Variants in CSMD3 observed in about 807,000 individuals in gnomAD.
The protein encoded by CSMD3 is CUB and Sushi multiple domains 3.
In CSMD3, 177 loss-of-function variants were observed where a neutral mutation model predicts 435.2. The observed-to-expected ratio is 0.41, with a 90% confidence interval of 0.36 to 0.46. The LOEUF (loss-of-function observed/expected upper bound fraction) is 0.46. Ranked by LOEUF, CSMD3 falls within the 20% of genes least tolerant of loss-of-function variation. CSMD3 has a pLI of 0.34. For missense variants in CSMD3, 4,265 were observed against 4,504.6 expected, an observed-to-expected ratio of 0.95 and a Z score of 1.52; for synonymous variants, 1,656 against 1,520.5, an observed-to-expected ratio of 1.09 and a Z score of -2.07.
intron 1 of CSMD3, among the ~76,000 whole-genome samples, chr8:113,366,804 A>G (rs559470895): frequency 6.6e-6 from 1 of 152,194 alleles, no homozygotes; most frequent in East Asian, 1.9e-4. Context: ...CTTAATATCA[A>G]CTGTATCTTG....
chr8:113,038,482 C>G (rs1025717071), intron 5 of CSMD3, among the ~76,000 whole-genome samples: 2 of 151,998 alleles, frequency 1.3e-5, no homozygotes, highest in Non-Finnish European at 2.9e-5. Flanking sequence ...TAGAATTTAG[C>G]AAGATTACAG....
rs544391916 is a variant in CSMD3 at position 112,696,105 on chromosome 8, C to T, written c.1973-6055G>A. On this transcript the variant is annotated intron_variant, in intron 13 of 70. Coordinates refer to ENST00000297405, the MANE Select transcript of CSMD3 (RefSeq NM_198123.2). ...GACACAAATGGAAGAACATTCCATG[C>T]TCATGGATATGAAGAATCAGTATCG... Among the ~76,000 whole-genome samples the T allele has an allele frequency of 1.3e-3, 197 of 152,282 alleles. 1 individual carries two copies. The highest frequency in any genetic ancestry group is 1.8e-4 in the Non-Finnish European group (12 of 68,020).
At chr8:112,437,572 T>C (rs1814506901) in intron 32 of CSMD3, among the ~76,000 whole-genome samples, 1 of 152,024 alleles carries the variant, frequency 6.6e-6, no homozygotes, top group African/African-American at 2.4e-5. Flanking sequence ...GCCATATATA[T>C]ATGTGTGTGT....
At chr8:113,142,310 T>C (rs569988252) in intron 4 of CSMD3, among the ~76,000 whole-genome samples, 1 of 151,368 alleles carries the variant, frequency 6.6e-6, no homozygotes, top group East Asian at 1.9e-4. Context: ...CTACAATAGC[T>C]AAAATTATTT....
intron 38 of CSMD3, among the ~76,000 whole-genome samples, chr8:112,374,873 G>C (rs1286138516): frequency 6.6e-6 from 1 of 152,132 alleles, no homozygotes; most frequent in Admixed American, 6.5e-5. Flanking sequence ...CTTAGGTGAA[G>C]AATCTAGATA....
intron 13 of CSMD3, among the ~76,000 whole-genome samples, chr8:112,747,750 C>A (rs1319475014): frequency 6.6e-6 from 1 of 151,724 alleles, no homozygotes; most frequent in Non-Finnish European, 1.5e-5. Flanking sequence ...CCGAGGCAGG[C>A]GGATCACGAG....
At chr8:113,089,241 T>C (rs1029064051) in intron 5 of CSMD3, among the ~76,000 whole-genome samples, 1 of 152,182 alleles carries the variant, frequency 6.6e-6, no homozygotes, top group African/African-American at 2.4e-5. Flanking sequence ...TTTGTATTAT[T>C]TGCAGATAAT....
At chr8:113,420,608 A>G (rs2094604607) in intron 1 of CSMD3, among the ~76,000 whole-genome samples, 1 of 152,126 alleles carries the variant, frequency 6.6e-6, no homozygotes, top group Non-Finnish European at 1.5e-5. Flanking sequence ...TAAAACAAAA[A>G]TAAAATACGT....
intron 32 of CSMD3, among the ~76,000 whole-genome samples, chr8:112,415,545 G>A (rs1250232589): frequency 2.6e-5 from 4 of 152,148 alleles, no homozygotes; most frequent in Non-Finnish European, 5.9e-5. Flanking sequence ...GTACCCACTG[G>A]GGCACTGCCT....
At chr8:112,298,047 A>G (rs1820498484) in intron 53 of CSMD3, among the ~76,000 whole-genome samples, 1 of 149,308 alleles carries the variant, frequency 6.7e-6, no homozygotes. Flanking sequence ...TGCTAAAAAT[A>G]CAAAATGTTG....
chr8:112,346,160 A>C lies in CSMD3; in HGVS notation c.6379T>G (p.Phe2127Val), dbSNP rs1267231899. Residue 2127 changes from phenylalanine to valine, a missense_variant, in exon 41 of 71, where the codon TTT becomes GTT. By Grantham distance (50) the Phe-to-Val change is conservative (BLOSUM62 -1). Transcript: ENST00000297405. ...AAACTGCTGGGATAGTTTCCAGGAA[A>C]CCCAGGACTGAGGATCACACCACTG... is the stretch of plus-strand genomic sequence containing the variant. ...DFSGVILSPGFPGNYPSSLDC... is the reference protein window; with the variant it reads ...DFSGVILSPGVPGNYPSSLDC... The C allele has an allele frequency of 6.2e-7, 1 of 1,613,848 alleles. No individual in the cohort carries two copies. Among genetic ancestry groups the C allele is most frequent in the Non-Finnish European group, 8.5e-7 (1 of 1,179,744 alleles).
chr8:112,507,776 T>C (rs1822685626), intron 28 of CSMD3, among the ~76,000 whole-genome samples: 1 of 152,190 alleles, frequency 6.6e-6, no homozygotes, highest in African/African-American at 2.4e-5. Flanking sequence ...ATATCATCAC[T>C]ACGGTTTGGT....
In CSMD3 at chr8:112,287,170, T is replaced by C. The variant is rs745572635; in HGVS notation, c.9225A>G (p.Lys3075=). The change falls in exon 58 of 71, where the codon AAA becomes AAG. Residue 3075 remains lysine (K), a synonymous_variant. Coordinates refer to ENST00000297405, the MANE Select transcript of CSMD3 (RefSeq NM_198123.2). ...TATCACAAGCATAACGTACAGTACT[T>C]TTAGTTCTGAAATTGCTTTCCTGTC... ...GSRQESNFRT[K]STVRYACDTG... is the part of the protein sequence containing the mutation. The C allele has an allele frequency of 6.2e-7, 1 of 1,613,724 alleles. No individual in the cohort carries two copies.
intron 10 of CSMD3, among the ~76,000 whole-genome samples, chr8:112,920,844 A>G (rs747749505): frequency 1.3e-5 from 2 of 151,380 alleles, no homozygotes; most frequent in Non-Finnish European, 2.9e-5. Flanking sequence ...GCCTTTCATA[A>G]TATTTTCTTC....
intron 16 of CSMD3, among the ~76,000 whole-genome samples, chr8:112,671,631 T>G (rs560864368): frequency 6.6e-6 from 1 of 152,264 alleles, no homozygotes; most frequent in African/African-American, 2.4e-5. Context: ...GATCCTCAAC[T>G]TATGATGGAG....
intron 67 of CSMD3, among the ~76,000 whole-genome samples, chr8:112,236,617 A>T (rs1313210983): frequency 6.6e-6 from 1 of 152,138 alleles, no homozygotes; most frequent in Non-Finnish European, 1.5e-5. Flanking sequence ...TTGCTTGAGG[A>T]GGTGACTTGT....
intron 13 of CSMD3, among the ~76,000 whole-genome samples, chr8:112,690,265 G>A (rs1387246362): frequency 6.6e-6 from 1 of 151,100 alleles, no homozygotes. Context: ...TATATATGAA[G>A]AATCTGAGGT....
intron 2 of CSMD3, chr8:113,314,084 G>C (rs2093891167): frequency 6.6e-6 from 1 of 152,136 alleles, no homozygotes; most frequent in African/African-American, 2.4e-5. Flanking sequence ...TTTTTGACAT[G>C]AAAGTATGTA....
intron 4 of CSMD3, among the ~76,000 whole-genome samples, chr8:113,153,138 G>GAAAGAAAGAAAGAAAGAAAGA (rs1564371027): frequency 9.4e-6 from 1 of 106,046 alleles, no homozygotes; most frequent in African/African-American, 5.7e-5. Flanking sequence ...AAAGAAGGAA[G>GAAAGAAAGAAAGAAAGAAAGA]GAAGGAAGGA....
Sources: gnomAD v4.1 joint callset for allele counts (sites outside exome capture counted in the v4.1 genomes callset) on GRCh38, gnomAD v4.1.1 for gene constraint, MANE v1.5 for transcripts, NCBI Gene and HGNC (gene_info 2026-07-23, HGNC 2026-07-21) for gene names.